EML4: variants seen among roughly 807,000 people sequenced by gnomAD.
EML4 encodes echinoderm microtubule-associated protein-like 4.
A neutral mutation model predicts 129.0 loss-of-function variants in EML4; 72 were observed. That is an observed-to-expected ratio of 0.56 (90% CI 0.46 to 0.68). EML4 has a LOEUF of 0.68. Ranked by LOEUF, EML4 falls within the 30% of genes least tolerant of loss-of-function variation. The probability of loss-of-function intolerance (pLI) is 0.00; values close to 1 mark genes in which losing one functional copy is unlikely to be tolerated. For missense variants in EML4, 1,363 were observed against 1,190.6 expected (o/e 1.14, Z -2.13); for synonymous variants, 532 against 405.0 (o/e 1.31, Z -3.77).
chr2:42,241,019 C>A (rs1312192996), intron 1 of EML4, among the ~76,000 whole-genome samples: 4 of 152,078 alleles, frequency 2.6e-5, no homozygotes, highest in Non-Finnish European at 4.4e-5. Context: ...TGGCATGCGC[C>A]TCTGTAATCT....
intron 1 of EML4, among the ~76,000 whole-genome samples, chr2:42,186,930 TTC>T: frequency 6.6e-6 from 1 of 152,004 alleles, no homozygotes; most frequent in Non-Finnish European, 1.5e-5. Flanking sequence ...ACCAAAAAAA[TTC>T]TCTCATGCCT....
intron 1 of EML4, among the ~76,000 whole-genome samples, chr2:42,230,672 C>T (rs918574062): frequency 7.9e-5 from 12 of 152,192 alleles, no homozygotes; most frequent in African/African-American, 2.4e-4. Flanking sequence ...TCCGAAAGTG[C>T]TGGGATTACA....
intron 11 of EML4, 27 bp from the exon 12 acceptor site, chr2:42,295,098 T>C (rs1667868827): frequency 6.3e-7 from 1 of 1,592,698 alleles, no homozygotes; most frequent in African/African-American, 1.4e-5. Context: ...TATACATTCA[T>C]CTAAAGCTTT....
At chr2:42,279,138 T>C (rs1159543602) in intron 6 of EML4, among the ~76,000 whole-genome samples, 1 of 152,172 alleles carries the variant, frequency 6.6e-6, no homozygotes, top group Non-Finnish European at 1.5e-5. Context: ...TTTTGTTTTT[T>C]ATTATTGCAA....
chr2:42,240,411 G>A (rs982726156), intron 1 of EML4, among the ~76,000 whole-genome samples: 2 of 152,078 alleles, frequency 1.3e-5, no homozygotes, highest in South Asian at 2.1e-4. Context: ...TTCTTTCTGT[G>A]TACATTATAT....
intron 1 of EML4, among the ~76,000 whole-genome samples, chr2:42,172,165 TTAGA>T (rs1042114325): frequency 1.2e-4 from 18 of 152,140 alleles, no homozygotes; most frequent in African/African-American, 1.7e-4. Context: ...CTTTTACATA[TTAGA>T]TAGATTCTTG....
At chr2:42,196,515 A>G (rs1671904240) in intron 1 of EML4, among the ~76,000 whole-genome samples, 1 of 152,198 alleles carries the variant, frequency 6.6e-6, no homozygotes, top group South Asian at 2.1e-4. Flanking sequence ...AGCTGCAATC[A>G]CCAACAAATC....
chr2:42,318,828 C>T (rs575453349), intron 19 of EML4, among the ~76,000 whole-genome samples: 1 of 152,224 alleles, frequency 6.6e-6, no homozygotes, highest in South Asian at 2.1e-4. Flanking sequence ...CCTCAGCCTC[C>T]TGACTAGCTG....
At chr2:42,169,782 C>T in intron 1 of EML4, 146 bp downstream of exon 1, 3 of 852,574 alleles carry the variant, frequency 3.5e-6, no homozygotes, top group Non-Finnish European at 3.4e-6. Context: ...TGCCGCCCCT[C>T]CGCGGACTCC....
At chr2:42,244,101 G>GTTT (rs147426155) in intron 1 of EML4, among the ~76,000 whole-genome samples, 11,705 of 80,492 alleles carry the variant, frequency 0.15, 709 homozygotes, top group South Asian at 0.19. Flanking sequence ...TTTGTTTTTT[G>GTTT]TTTTTTTTTT....
intron 11 of EML4, among the ~76,000 whole-genome samples, chr2:42,291,930 C>G (rs1182696114): frequency 6.6e-6 from 1 of 152,092 alleles, no homozygotes; most frequent in East Asian, 1.9e-4. Flanking sequence ...AATTAAAACC[C>G]AAGTGCAATA....
intron 1 of EML4, among the ~76,000 whole-genome samples, chr2:42,194,241 A>G (rs1167945119): frequency 6.6e-6 from 1 of 151,910 alleles, no homozygotes; most frequent in African/African-American, 2.4e-5. Flanking sequence ...GATTAGGCAA[A>G]GTATATTTGT....
At chr2:42,304,421 G>T in intron 16 of EML4, 63 bp from the exon 17 acceptor site, 1 of 1,226,816 alleles carries the variant, frequency 8.2e-7, no homozygotes, top group Admixed American at 1.8e-5. Flanking sequence ...AGAAGTTTTT[G>T]CTACTGTCCC....
intron 8 of EML4, among the ~76,000 whole-genome samples, chr2:42,284,055 T>C (rs1667160007): frequency 6.6e-6 from 1 of 152,248 alleles, no homozygotes; most frequent in South Asian, 2.1e-4. Flanking sequence ...TATGCTACGC[T>C]ACTTCCCATT....
In EML4 at chr2:42,296,539, T is replaced by G. The variant is rs546311742; in HGVS notation, c.1489+1023T>G. ...GACCATGAAAATCACCCTAAGTGAT[T>G]TATGAATAAGGGAATCCCTGTTCGT... is the stretch of plus-strand genomic sequence containing the variant. On this transcript the variant is annotated intron_variant, in intron 13 of 22. Transcript: ENST00000318522. 8.5e-5 allele frequency among the ~76,000 whole-genome samples: 13 copies of G among 152,164 alleles called. No homozygotes were observed. The South Asian group carries it at 1.0e-3, about 12-fold the overall frequency.
At chr2:42,242,088 G>C (rs940561118) in intron 1 of EML4, among the ~76,000 whole-genome samples, 3 of 151,890 alleles carry the variant, frequency 2.0e-5, no homozygotes, top group Non-Finnish European at 4.4e-5. Context: ...AAAAATCAAA[G>C]TTTGTAAAAG....
chr2:42,216,476 C>G (rs987958745), intron 1 of EML4, among the ~76,000 whole-genome samples: 2 of 151,400 alleles, frequency 1.3e-5, no homozygotes, highest in South Asian at 2.1e-4. Context: ...CTCCTGACGT[C>G]GTGATCCACC....
chr2:42,216,488 A>G (rs984719068), intron 1 of EML4, among the ~76,000 whole-genome samples: 1 of 150,572 alleles, frequency 6.6e-6, no homozygotes, highest in Non-Finnish European at 1.5e-5. Flanking sequence ...TGATCCACCT[A>G]TCTCGGCTTC....
rs2103679663 is a variant in EML4, at chr2:42,295,394, C to G, written c.1367C>G (p.Pro456Arg). ...GTTTCCTTGTAGAAATATGAAAAGC[C>G]AAAATTTGTGCAGTGTTTAGCATTC... is the stretch of plus-strand genomic sequence containing the variant. The part of the protein sequence containing the change: ...KQGIFGKYEK[P>R]KFVQCLAFLG... The change falls in exon 13 of 23, where the codon CCA becomes CGA. Residue 456 changes from proline to arginine, a missense_variant. Physicochemically the swap from Pro to Arg is moderately radical, Grantham distance 103 (BLOSUM62 -2). Transcript: ENST00000318522. 1 of 1,609,954 alleles carries G rather than the reference C, an allele frequency of 6.2e-7. No individual in the cohort carries two copies. The highest frequency in any genetic ancestry group is 8.5e-7 in the Non-Finnish European group (1 of 1,179,192).
Sources: gnomAD v4.1 joint callset for allele counts (sites outside exome capture counted in the v4.1 genomes callset) on GRCh38, gnomAD v4.1.1 for gene constraint, MANE v1.5 for transcripts, NCBI Gene and HGNC (gene_info 2026-07-23, HGNC 2026-07-21) for gene names.